The following ROCK1 variants were observed in gnomAD, a reference collection of about 807,000 sequenced individuals.
ROCK1 encodes Rho associated coiled-coil containing protein kinase 1.
In ROCK1, 36 loss-of-function variants were observed where a neutral mutation model predicts 196.8. The observed-to-expected ratio is 0.18, with a 90% CI of 0.14 to 0.24. ROCK1 has a LOEUF of 0.24. Among genes scored for constraint, ROCK1 ranks in the 10% least tolerant of loss-of-function variants. The probability of loss-of-function intolerance (pLI) is 1.00; values close to 1 mark genes in which losing one functional copy is unlikely to be tolerated. For missense variants in ROCK1, 920 were observed against 1,562.0 expected, an observed-to-expected ratio of 0.59 and a Z score of 6.93; for synonymous variants, 443 against 515.9, an observed-to-expected ratio of 0.86 and a Z score of 1.91.
chr18:21,075,061 A>G lies in ROCK1; in HGVS notation c.94-4448T>C, dbSNP rs559751010. Among the ~76,000 whole-genome samples the G allele has an allele frequency of 6.6e-5, 10 of 152,366 alleles. No homozygotes were observed. In the South Asian group the frequency reaches 1.7e-3, roughly 25 times the overall value. ...TGATCAGGGAGAGAATGTTAAAGGTATAACATACCAGGAGAAGAATTTACC... is the reference window on the plus strand; with the variant it reads ...TGATCAGGGAGAGAATGTTAAAGGTGTAACATACCAGGAGAAGAATTTACC... On this transcript the variant is annotated intron_variant, in intron 1 of 32. Transcript: ENST00000399799.
chr18:21,069,755 ACTG>A (rs2036367710), intron 2 of ROCK1, among the ~76,000 whole-genome samples: 1 of 152,152 alleles, frequency 6.6e-6, no homozygotes, highest in Admixed American at 6.5e-5. Flanking sequence ...ATAAAATTTT[ACTG>A]CTATGTCCAT....
intron 12 of ROCK1, among the ~76,000 whole-genome samples, chr18:21,017,722 C>T (rs913246003): frequency 6.6e-6 from 1 of 151,674 alleles, no homozygotes; most frequent in African/African-American, 2.4e-5. Context: ...CCTGTAATCC[C>T]AGCACTTTGG....
chr18:20,964,726 T>G (rs534062313), intron 27 of ROCK1, among the ~76,000 whole-genome samples: 1 of 152,332 alleles, frequency 6.6e-6, no homozygotes, highest in African/African-American at 2.4e-5. Flanking sequence ...AGAAATATAC[T>G]GAAAATGGAG....
rs781086417 is a variant in ROCK1, at chr18:21,020,135, T to TA, written c.1361+15dup. On this transcript the variant is annotated intron_variant, in intron 12 of 32. Transcript: ENST00000399799. The stretch of plus-strand genomic sequence containing the variant: ...TATAAAACTTTTAATATGAAAAACT[T>TA]AAAGTATATTCTCACCTGCACTTCT... 64 of 1,516,618 alleles carry TA rather than the reference T, an allele frequency of 4.2e-5. No homozygotes were observed. The highest frequency in any genetic ancestry group is 1.3e-4 in the South Asian group (11 of 86,062). The allele number at this position is 1,516,618 out of a possible 1,614,324, so 93.9% of individuals were successfully genotyped here. A position where few individuals can be genotyped will look rare whatever the true frequency, so the allele number is the denominator to read the frequency against.
Position 21,111,244 on chromosome 18 carries a change from A to G in ROCK1, c.-334T>C. On this transcript the variant is annotated 5_prime_UTR_variant, in exon 1 of 33. Coordinates refer to ENST00000399799, the MANE Select transcript of ROCK1 (RefSeq NM_005406.3). This position sits in a 1 kb window ranked among gnomAD's most constrained non-coding sequence, Gnocchi z 4.2. ...CGGGCCCCGGCCGCCGTCGCCATGG[A>G]GGGGTCCCCGTCCCGAGATGGGCAG... 1 of 488,578 alleles carries G rather than the reference A, an allele frequency of 2.0e-6. No individual in the cohort carries two copies. Among genetic ancestry groups the G allele is most frequent in the Non-Finnish European group, 3.6e-6 (1 of 279,078 alleles). The allele number at this position is 488,578 out of a possible 1,614,324, so 30.3% of individuals were successfully genotyped here. A position where few individuals can be genotyped will look rare whatever the true frequency, so the allele number is the denominator to read the frequency against.
intron 12 of ROCK1, among the ~76,000 whole-genome samples, chr18:21,019,715 G>A (rs183210747): frequency 0.01 from 1,559 of 151,390 alleles, 30 homozygotes; most frequent in African/African-American, 0.035. Context: ...GGAGAATGGC[G>A]TGAACCCGGG....
intron 13 of ROCK1, among the ~76,000 whole-genome samples, chr18:21,010,504 G>A (rs288985): frequency 0.042 from 6,409 of 152,088 alleles, 448 homozygotes; most frequent in African/African-American, 0.15. Context: ...TGACCTCTGG[G>A]TTATTTAGAA....
intron 12 of ROCK1, among the ~76,000 whole-genome samples, chr18:21,016,996 C>T (rs2035868382): frequency 6.6e-6 from 1 of 151,944 alleles, no homozygotes; most frequent in South Asian, 2.1e-4. Flanking sequence ...AGGTCTCTTA[C>T]CTCACGGCCT....
At chr18:20,974,520 C>T (rs72879412) in intron 22 of ROCK1, among the ~76,000 whole-genome samples, 2,246 of 152,206 alleles carry the variant, frequency 0.015, 26 homozygotes, top group Middle Eastern at 0.024. Context: ...TGCTACTGTG[C>T]AAGAGAAAAA....
chr18:21,035,271 G>C (rs2036047027), intron 9 of ROCK1, among the ~76,000 whole-genome samples: 1 of 152,210 alleles, frequency 6.6e-6, no homozygotes, highest in Admixed American at 6.5e-5. Context: ...GGCTGAGCGT[G>C]GTGGCTCACG....
chr18:21,018,530 CA>C (rs200960983), intron 12 of ROCK1, among the ~76,000 whole-genome samples: 14,009 of 91,822 alleles, frequency 0.15, 772 homozygotes, highest in Admixed American at 0.24. Context: ...GATTTCGTCT[CA>C]AAAAAAAAAA....
intron 29 of ROCK1, among the ~76,000 whole-genome samples, chr18:20,959,081 T>TATTATATATAATATATATA (rs2035289314): frequency 1.6e-4 from 6 of 38,126 alleles, no homozygotes; most frequent in African/African-American, 6.3e-4. Flanking sequence ...ATATAATATA[T>TATTATATATAATATATATA]ATATTTTATA....
intron 12 of ROCK1, among the ~76,000 whole-genome samples, chr18:21,019,358 T>C (rs1178427454): frequency 4.6e-5 from 7 of 152,164 alleles, no homozygotes; most frequent in African/African-American, 1.4e-4. Context: ...TTTCGCCATG[T>C]TGGCCTGGCT....
chr18:21,089,603 T>C (rs2036553947), intron 1 of ROCK1, among the ~76,000 whole-genome samples: 1 of 152,162 alleles, frequency 6.6e-6, no homozygotes, highest in Admixed American at 6.5e-5. Context: ...GAAAATATTG[T>C]AGGTTGAAAA....
At chr18:20,965,829 A>AT (rs1025848257) in intron 27 of ROCK1, among the ~76,000 whole-genome samples, 24 of 152,168 alleles carry the variant, frequency 1.6e-4, no homozygotes, top group Admixed American at 2.6e-4. Flanking sequence ...CAGATACCTG[A>AT]TTTTGACCTA....
At chr18:21,075,708 C>T (rs576630825) in intron 1 of ROCK1, among the ~76,000 whole-genome samples, 4 of 152,092 alleles carry the variant, frequency 2.6e-5, no homozygotes, top group Non-Finnish European at 4.4e-5. Context: ...AATCCCAGTA[C>T]TTTGGGAGGC....
chr18:21,003,370 T>C (rs1226173443), intron 16 of ROCK1, among the ~76,000 whole-genome samples: 2 of 152,154 alleles, frequency 1.3e-5, no homozygotes, highest in African/African-American at 2.4e-5. Context: ...TGGATCCAAA[T>C]TCAAGCAAAA....
chr18:21,006,918 G>A (rs77874310), intron 14 of ROCK1, 128 bp from the exon 15 acceptor site: 3 of 564,590 alleles, frequency 5.3e-6, no homozygotes, highest in Non-Finnish European at 9.1e-6. Context: ...CACTCCCAAA[G>A]CCAAATTCCA....
chr18:21,104,022 A>T (rs2036681674), intron 1 of ROCK1, among the ~76,000 whole-genome samples: 1 of 152,220 alleles, frequency 6.6e-6, no homozygotes, highest in Admixed American at 6.5e-5. Context: ...CTGTGGACTT[A>T]AACTAAATGG....
Sources: allele counts gnomAD v4.1 joint callset (sites outside exome capture counted in the v4.1 genomes callset), GRCh38; gene constraint gnomAD v4.1.1; non-coding constraint Gnocchi (gnomAD v3.1); transcripts MANE v1.5; gene names NCBI Gene and HGNC (gene_info 2026-07-23, HGNC 2026-07-21).